CAPN3: variants seen among roughly 807,000 people sequenced by gnomAD.
CAPN3 encodes the protein calpain-3.
A neutral mutation model predicts 114.0 loss-of-function variants in CAPN3; 88 were observed. The ratio of observed to expected loss-of-function variants is 0.77; its 90% CI spans 0.65 to 0.92. The LOEUF (loss-of-function observed/expected upper bound fraction) is 0.92. Among genes scored for constraint, CAPN3 ranks in the 40% least tolerant of loss-of-function variants. The pLI is 0.00. For missense variants in CAPN3, 1,028 were observed against 1,069.0 expected (o/e 0.96, Z 0.53); for synonymous variants, 386 against 382.9 (o/e 1.01, Z -0.09).
At chr15:42,409,526 C>A in intron 17 of CAPN3, 146 bp downstream of exon 17, 1 of 935,290 alleles carries the variant, frequency 1.1e-6, no homozygotes, top group Non-Finnish European at 1.7e-6. Flanking sequence ...GCACACAAAT[C>A]CACAAGCCCT....
Position 42,359,852 on chromosome 15 carries a change from A to C in CAPN3, c.47A>C (p.Glu16Ala), listed in dbSNP as rs775742866. Residue 16 changes from glutamate (E) to alanine (A), a missense_variant, in exon 1 of 24, where the codon GAG becomes GCG. Glu to Ala is a moderately radical substitution (Grantham distance 107). Coordinates refer to ENST00000397163, the MANE Select transcript of CAPN3 (RefSeq NM_000070.3). ...TCTGTGGCTCCAAGGACAGCGGCTG[A>C]GCCCCGGTCCCCAGGGCCAGTTCCT... ...SASVAPRTAA[E>A]PRSPGPVPHP... 79 of 1,614,132 alleles carry C rather than the reference A, an allele frequency of 4.9e-5. 1 individual carries two copies. The South Asian group carries it at 8.6e-4, about 17-fold the overall frequency.
At position 42,409,722 on chromosome 15, in the gene CAPN3, C is replaced by CA; in HGVS notation, c.1993-62dup. 3.5e-6 allele frequency: 5 copies of CA among 1,431,820 alleles called. No homozygotes were observed. The South Asian group carries it at 4.6e-5, about 13-fold the overall frequency. 88.7% of individuals were successfully genotyped at this position (1,431,820 alleles called of 1,614,324 possible). A position where few individuals can be genotyped will look rare whatever the true frequency, so the allele number is the denominator to read the frequency against. ...ACACAGCCAGGTGGAATTTGTTTTGCAAAGTGTCCGCGCCAGGAGCTGCTG... is the reference window on the plus strand; with the variant it reads ...ACACAGCCAGGTGGAATTTGTTTTGCAAAAGTGTCCGCGCCAGGAGCTGCTG... On this transcript the variant is annotated intron_variant, in intron 17 of 23. Transcript: ENST00000397163.
chr15:42,406,030 T>G (rs2054010721), intron 15 of CAPN3, 87 bp downstream of exon 15: 2 of 1,156,822 alleles, frequency 1.7e-6, no homozygotes. Flanking sequence ...TGAGCTCATA[T>G]GCATCCATGC....
chr15:42,378,099 A>G (rs946068003), intron 1 of CAPN3, among the ~76,000 whole-genome samples: 1 of 152,238 alleles, frequency 6.6e-6, no homozygotes. Flanking sequence ...TAGGGGTCCA[A>G]GCCGCTCACA....
At chr15:42,406,643 C>G (rs1451326805) in intron 15 of CAPN3, among the ~76,000 whole-genome samples, 1 of 152,160 alleles carries the variant, frequency 6.6e-6, no homozygotes, top group Non-Finnish European at 1.5e-5. Context: ...GAACTGGAAA[C>G]CATGTCTGTT....
At chr15:42,401,091 G>T (rs1354362444) in intron 10 of CAPN3, among the ~76,000 whole-genome samples, 1 of 152,000 alleles carries the variant, frequency 6.6e-6, no homozygotes, top group African/African-American at 2.4e-5. Context: ...CTACTTGGGA[G>T]GCTCAGTCAG....
chr15:42,359,916 A>G lies in CAPN3; in HGVS notation c.111A>G (p.Gly37=), dbSNP rs149536696. The part of the protein sequence containing the change: ...AQSKATEAGG[G]NPSGIYSAII... ...GCAAGGCCACTGAGGCTGGGGGTGG[A>G]AACCCAAGTGGCATCTATTCAGCCA... The change falls in exon 1 of 24, where the codon GGA becomes GGG. Residue 37 remains glycine, a synonymous_variant. Transcript: ENST00000397163. The G allele has an allele frequency of 4.3e-6, 7 of 1,614,128 alleles. No individual in the cohort carries two copies. Among genetic ancestry groups the G allele is most frequent in the African/African-American group, 1.3e-5 (1 of 74,946 alleles).
chr15:42,402,302 T>C, intron 12 of CAPN3, 167 bp downstream of exon 12: 1 of 1,567,580 alleles, frequency 6.4e-7, no homozygotes, highest in Non-Finnish European at 8.6e-7. Context: ...CTCAGGGCAT[T>C]GCATGACCCA....
At chr15:42,366,148 C>G (rs558779264) in intron 1 of CAPN3, among the ~76,000 whole-genome samples, 2 of 152,264 alleles carry the variant, frequency 1.3e-5, no homozygotes, top group East Asian at 3.9e-4. Flanking sequence ...GAGAGAAATT[C>G]AGAAATGTGA....
chr15:42,392,694 A>T lies in CAPN3; in HGVS notation c.1001A>T (p.His334Leu), dbSNP rs749863676. The T allele has an allele frequency of 5.0e-6, 8 of 1,613,886 alleles. No individual in the cohort carries two copies. The African/African-American group carries it at 1.1e-4, about 22-fold the overall frequency. ...TRMACGLVRGHAYSVTGLDEV... is the reference protein window; with the variant it reads ...TRMACGLVRGLAYSVTGLDEV... The stretch of plus-strand genomic sequence containing the variant: ...ATGGCCTGCGGGCTGGTCAGAGGTC[A>T]CGCCTACTCTGTCACGGGGCTGGAT... The change falls in exon 7 of 24, where the codon CAC (histidine) becomes CTC (leucine). Residue 334 changes from histidine (H) to leucine (L), a missense_variant. His to Leu is a moderately conservative substitution (Grantham distance 99). Transcript: ENST00000397163.
intron 1 of CAPN3, among the ~76,000 whole-genome samples, chr15:42,372,081 A>G (rs575156534): frequency 1.3e-5 from 2 of 152,204 alleles, no homozygotes; most frequent in East Asian, 1.9e-4. Flanking sequence ...GAGTCTTCCT[A>G]TCCATGAAGC....
At chr15:42,391,976 T>C (rs950368810) in intron 6 of CAPN3, among the ~76,000 whole-genome samples, 1 of 151,928 alleles carries the variant, frequency 6.6e-6, no homozygotes, top group African/African-American at 2.4e-5. Context: ...CCAGCCTGGC[T>C]AACATGGTGA....
intron 16 of CAPN3, chr15:42,409,045 A>G: frequency 1.9e-6 from 1 of 523,912 alleles, no homozygotes; most frequent in Non-Finnish European, 3.4e-6. Context: ...GCAGGTGGGG[A>G]CTGGGGTGGC....
Position 42,399,670 on chromosome 15 carries a change from TG to T in CAPN3, c.1354+24del. On this transcript the variant is annotated intron_variant, in intron 10 of 23. Transcript: ENST00000397163. The stretch of plus-strand genomic sequence containing the variant: ...CTTCCCAGGTGGGAGATGCTCTTGA[TG>T]GGGGGAGGGTCTAAGCCGAAAAAGT... 1.3e-6 allele frequency: 2 copies of T among 1,584,436 alleles called. No individual in the cohort carries two copies. Among genetic ancestry groups the T allele is most frequent in the Admixed American group, 3.6e-5 (2 of 55,236 alleles).
At chr15:42,394,427 T>A in intron 8 of CAPN3, 86 bp downstream of exon 8, 1 of 1,017,322 alleles carries the variant, frequency 9.8e-7, no homozygotes, top group Non-Finnish European at 1.5e-6. Context: ...CATGAGAGTA[T>A]TGAAGATGCT....
At chr15:42,410,520 G>A in intron 20 of CAPN3, 24 bp downstream of exon 20, 3 of 1,613,382 alleles carry the variant, frequency 1.9e-6, no homozygotes, top group Non-Finnish European at 2.5e-6. Context: ...ATGAAGCGTG[G>A]GAGTCAAGAA....
rs886043070 is a variant in CAPN3 at position 42,359,866 on chromosome 15, G to A, written c.61G>A (p.Gly21Arg). The change falls in exon 1 of 24, where the codon GGG becomes AGG. Residue 21 changes from glycine (G) to arginine (R), a missense_variant. By Grantham distance (125) the Gly-to-Arg change is moderately radical. Transcript: ENST00000397163. ...PRTAAEPRSP[G>R]PVPHPAQSKA... Reference sequence around the variant, plus strand: ...GACAGCGGCTGAGCCCCGGTCCCCAGGGCCAGTTCCTCACCCGGCCCAGAG... The same window carrying A: ...GACAGCGGCTGAGCCCCGGTCCCCAAGGCCAGTTCCTCACCCGGCCCAGAG... The A allele has an allele frequency of 1.2e-6, 2 of 1,614,050 alleles. No individual in the cohort carries two copies. Among genetic ancestry groups the A allele is most frequent in the East Asian group, 2.2e-5 (1 of 44,898 alleles).
intron 1 of CAPN3, among the ~76,000 whole-genome samples, chr15:42,368,063 T>C (rs1566968594): frequency 6.6e-6 from 1 of 152,248 alleles, no homozygotes; most frequent in African/African-American, 2.4e-5. Context: ...CTATAAACCT[T>C]ACACAGCCAA....
chr15:42,381,733 T>C (rs1281664173), intron 1 of CAPN3, among the ~76,000 whole-genome samples: 2 of 151,980 alleles, frequency 1.3e-5, no homozygotes, highest in Non-Finnish European at 2.9e-5. Flanking sequence ...AGAGACGAGG[T>C]TTCGTCATGT....
Sources: allele counts gnomAD v4.1 joint callset (sites outside exome capture counted in the v4.1 genomes callset), GRCh38; gene constraint gnomAD v4.1.1; transcripts MANE v1.5; gene names NCBI Gene and HGNC (gene_info 2026-07-23, HGNC 2026-07-21).